TFEC: variants seen among roughly 807,000 people sequenced by gnomAD.
The protein encoded by TFEC is transcription factor EC.
Under a neutral mutation model 41.6 loss-of-function variants are expected in TFEC, and 31 were observed. The ratio of observed to expected loss-of-function variants is 0.74; its 90% CI spans 0.56 to 1.01. The LOEUF is 1.01. Among genes scored for constraint, TFEC ranks in the 50% least tolerant of loss-of-function variants. The pLI is 0.00. For synonymous variants in TFEC, 143 were observed against 140.6 expected, an observed-to-expected ratio of 1.02 and a Z score of -0.12; for missense variants, 402 against 404.1, an observed-to-expected ratio of 0.99 and a Z score of 0.04.
chr7:116,142,445 T>C (rs532577612), intron 1 of TFEC, among the ~76,000 whole-genome samples: 4 of 152,132 alleles, frequency 2.6e-5, no homozygotes, highest in Non-Finnish European at 5.9e-5. Flanking sequence ...GCTACAATTG[T>C]ACTGTATGAC....
intron 3 of TFEC, among the ~76,000 whole-genome samples, chr7:116,086,947 TA>T (rs954223451): frequency 6.6e-5 from 10 of 152,094 alleles, no homozygotes; most frequent in Middle Eastern, 3.4e-3. Flanking sequence ...GCAAATGTTG[TA>T]AAATAAGTGA....
intron 3 of TFEC, among the ~76,000 whole-genome samples, chr7:116,102,157 T>C (rs1002141102): frequency 2.0e-5 from 3 of 152,200 alleles, no homozygotes; most frequent in Non-Finnish European, 4.4e-5. Context: ...CTAACTATAG[T>C]CTAGCTTAGA....
At chr7:116,071,966 A>G (rs1796840063) in intron 3 of TFEC, among the ~76,000 whole-genome samples, 1 of 151,550 alleles carries the variant, frequency 6.6e-6, no homozygotes. Flanking sequence ...AATACATAAA[A>G]GACCTTAATT....
chr7:116,151,485 C>T (rs1309160587), intron 1 of TFEC, among the ~76,000 whole-genome samples: 4 of 152,018 alleles, frequency 2.6e-5, no homozygotes, highest in Non-Finnish European at 4.4e-5. Flanking sequence ...TCAAGTGATC[C>T]GCCCACCTCG....
intron 1 of TFEC, among the ~76,000 whole-genome samples, chr7:116,020,591 C>T (rs1453954889): frequency 6.6e-6 from 1 of 152,214 alleles, no homozygotes; most frequent in East Asian, 1.9e-4. Context: ...CATAAACCTG[C>T]AAAGCAAAGC....
At chr7:116,074,197 T>A in intron 3 of TFEC, among the ~76,000 whole-genome samples, 1 of 149,880 alleles carries the variant, frequency 6.7e-6, no homozygotes, top group Non-Finnish European at 1.5e-5. Context: ...ATATATTTTT[T>A]GTGTATGTGT....
In TFEC at chr7:115,940,531, G is replaced by T; in HGVS notation, c.*20C>A. On this transcript the variant is annotated 3_prime_UTR_variant, in exon 8 of 8. Coordinates refer to ENST00000265440, the MANE Select transcript of TFEC (RefSeq NM_012252.4). Reference sequence around the variant, plus strand: ...AGCATAGAATTGCTTTCCAGTTGATGAATTGGGTCTGTTTATTTCTTATAA... The same window carrying T: ...AGCATAGAATTGCTTTCCAGTTGATTAATTGGGTCTGTTTATTTCTTATAA... 1.3e-6 allele frequency: 2 copies of T among 1,582,816 alleles called. No homozygotes were observed. The highest frequency in any genetic ancestry group is 2.3e-5 in the South Asian group (2 of 86,536).
chr7:116,120,490 C>G (rs974744980), intron 1 of TFEC: 2 of 151,940 alleles, frequency 1.3e-5, no homozygotes, highest in Admixed American at 1.3e-4. Flanking sequence ...GAATTTGAAT[C>G]TGCATTTTAA....
chr7:116,127,389 T>C (rs1798234914), intron 1 of TFEC, among the ~76,000 whole-genome samples: 1 of 152,118 alleles, frequency 6.6e-6, no homozygotes, highest in Non-Finnish European at 1.5e-5. Flanking sequence ...AGCCTGGGCT[T>C]TGGTTTTTTA....
intron 2 of TFEC, among the ~76,000 whole-genome samples, chr7:115,976,754 A>C (rs529753212): frequency 6.6e-6 from 1 of 152,234 alleles, no homozygotes; most frequent in African/African-American, 2.4e-5. Flanking sequence ...AGGAAAGAAG[A>C]TTGCTAAACA....
At chr7:116,145,890 T>C (rs746258485) in intron 1 of TFEC, among the ~76,000 whole-genome samples, 1 of 152,172 alleles carries the variant, frequency 6.6e-6, no homozygotes, top group Non-Finnish European at 1.5e-5. Context: ...AAGACTCAAG[T>C]ATGGTACATA....
intron 3 of TFEC, among the ~76,000 whole-genome samples, chr7:116,069,620 C>T (rs1349591228): frequency 6.6e-6 from 1 of 151,688 alleles, no homozygotes; most frequent in African/African-American, 2.4e-5. Context: ...ATGAGCACTG[C>T]TTTCTTTTCC....
At chr7:116,034,466 C>T (rs1478935409), upstream of TFEC, among the ~76,000 whole-genome samples, 1 of 151,942 alleles carries the variant, frequency 6.6e-6, no homozygotes, top group Non-Finnish European at 1.5e-5. Flanking sequence ...TTCATCCCTC[C>T]AGCTCACTCC....
At chr7:116,028,165 CTGTTCTTCTTTATTTATTGG>C (rs1481398994) in intron 1 of TFEC, among the ~76,000 whole-genome samples, 1 of 152,158 alleles carries the variant, frequency 6.6e-6, no homozygotes, top group Admixed American at 6.6e-5. Flanking sequence ...TAATATTCTC[CTGTTCTTCTTTATTTATTGG>C]TGTGTAAATG....
intron 3 of TFEC, among the ~76,000 whole-genome samples, chr7:116,070,157 TGC>T (rs1398189445): frequency 2.0e-5 from 3 of 151,444 alleles, no homozygotes; most frequent in Non-Finnish European, 1.5e-5. Flanking sequence ...TGTGTGTGTG[TGC>T]GCGTGTGTGT....
chr7:115,954,388 A>T (rs779887225), intron 5 of TFEC, among the ~76,000 whole-genome samples, 198 bp downstream of exon 5: 16 of 152,064 alleles, frequency 1.1e-4, no homozygotes, highest in Non-Finnish European at 1.9e-4. Flanking sequence ...GGAATTCGAG[A>T]TGTTTCATTT....
chr7:116,069,973 A>G (rs977366606), intron 3 of TFEC, among the ~76,000 whole-genome samples: 1 of 151,520 alleles, frequency 6.6e-6, no homozygotes, highest in Non-Finnish European at 1.5e-5. Context: ...TAAATATATA[A>G]ATATGTAGAT....
chr7:116,089,435 C>G (rs1343181932), intron 3 of TFEC, among the ~76,000 whole-genome samples: 1 of 152,042 alleles, frequency 6.6e-6, no homozygotes, highest in African/African-American at 2.4e-5. Context: ...GACTCTTGAC[C>G]AGGAGACCAT....
intron 1 of TFEC, among the ~76,000 whole-genome samples, chr7:116,132,855 T>G (rs1798360243): frequency 6.6e-6 from 1 of 152,244 alleles, no homozygotes; most frequent in Non-Finnish European, 1.5e-5. Flanking sequence ...TCATTAAATT[T>G]TGTTGTGAAT....
Sources: allele counts gnomAD v4.1 joint callset (sites outside exome capture counted in the v4.1 genomes callset), GRCh38; gene constraint gnomAD v4.1.1; transcripts MANE v1.5; gene names NCBI Gene and HGNC (gene_info 2026-07-23, HGNC 2026-07-21).